Variants in UNKL observed in about 807,000 individuals in gnomAD.
UNKL encodes the protein putative E3 ubiquitin-protein ligase UNKL.
Under a neutral mutation model 78.0 loss-of-function variants are expected in UNKL, and 60 were observed. That is an observed-to-expected ratio of 0.77 (90% CI 0.63 to 0.95). UNKL has a LOEUF of 0.95. UNKL is among the 40% of genes least tolerant of loss of function. The pLI, the probability that UNKL is intolerant of heterozygous loss-of-function variation, is 0.00. For missense variants in UNKL, 1,159 were observed against 1,045.7 expected (o/e 1.11, Z -1.49); for synonymous variants, 608 against 474.8 (o/e 1.28, Z -3.65).
chr16:1,367,772 G>GGGGGCCGGCACTCAGGATGGGGGA lies in UNKL; in HGVS notation c.1648_1671dup (p.Ser550_Pro557dup). The GGGGGCCGGCACTCAGGATGGGGGA allele has an allele frequency of 6.4e-7, 1 of 1,573,412 alleles. No individual in the cohort carries two copies. The highest frequency in any genetic ancestry group is 8.6e-7 in the Non-Finnish European group (1 of 1,159,972). On this transcript the variant is annotated inframe_insertion, in exon 13 of 15. Coordinates refer to ENST00000389221, the MANE Select transcript of UNKL (RefSeq NM_001372107.1). Reference sequence around the variant, plus strand: ...TTTGGACTTGCACTCGAAGAGGATGGGGGGCCGGCACTCAGGATGGGGGAG... The same window carrying GGGGGCCGGCACTCAGGATGGGGGA: ...TTTGGACTTGCACTCGAAGAGGATGGGGGGCCGGCACTCAGGATGGGGGAGGGGCCGGCACTCAGGATGGGGGAG...
chr16:1,382,155 G>A (rs2036627904), intron 10 of UNKL, among the ~76,000 whole-genome samples: 1 of 152,222 alleles, frequency 6.6e-6, no homozygotes, highest in South Asian at 2.1e-4. Flanking sequence ...CTGCCTGAGA[G>A]AAAGCTTAAC....
intron 3 of UNKL, among the ~76,000 whole-genome samples, chr16:1,402,539 T>C (rs2037574063): frequency 6.6e-6 from 1 of 152,126 alleles, no homozygotes; most frequent in South Asian, 2.1e-4. Flanking sequence ...GGTGTGCGCC[T>C]GTAGTCCCAG....
At chr16:1,370,470 T>TTG in intron 11 of UNKL, 113 bp from the exon 12 acceptor site, 1 of 1,026,280 alleles carries the variant, frequency 9.7e-7, no homozygotes, top group Non-Finnish European at 1.3e-6. Context: ...GGTGGGGATA[T>TTG]GGGGGGTGGG....
In UNKL at chr16:1,397,190, C is replaced by T; in HGVS notation, c.840G>A (p.Gln280=). The T allele has an allele frequency of 1.3e-6, 2 of 1,547,558 alleles. No homozygotes were observed. Among genetic ancestry groups the T allele is most frequent in the Non-Finnish European group, 8.7e-7 (1 of 1,146,960 alleles). The part of the protein sequence containing the change: ...CQYCHSRTEQ[Q]FHPEIYKSTK... ...TGGAGGGACGTACCTCGGGATGGAA[C>T]TGCTGCTCCGTGCGGGAGTGGCAAT... The change falls in exon 6 of 15, where the codon CAG becomes CAA. Residue 280 remains glutamine, a synonymous_variant. Coordinates refer to ENST00000389221, the MANE Select transcript of UNKL (RefSeq NM_001372107.1).
At chr16:1,394,107 C>T (rs1278302360) in intron 7 of UNKL, 24 bp downstream of exon 7, 3 of 1,547,940 alleles carry the variant, frequency 1.9e-6, no homozygotes, top group East Asian at 2.5e-5. Context: ...CTAAGGTGAA[C>T]CTGCCACAGG....
At chr16:1,394,073 G>A in intron 7 of UNKL, 58 bp downstream of exon 7, 1 of 1,512,046 alleles carries the variant, frequency 6.6e-7, no homozygotes, top group South Asian at 1.2e-5. Context: ...ACTCCAGTGA[G>A]GGCCTGCAGA....
Position 1,367,149 on chromosome 16 carries a change from CAG to C in UNKL, c.1987_1988del (p.Leu663AlafsTer51). The C allele has an allele frequency of 6.2e-7, 1 of 1,601,656 alleles. No homozygotes were observed. Among genetic ancestry groups the C allele is most frequent in the Non-Finnish European group, 8.5e-7 (1 of 1,176,456 alleles). ...GACTCTGCAGCGAGTGCAGCTTCGG[CAG>C]GGGAATGGTGCCGATGTCCCCACAG... ...RGCGDIGTIP[L>X]PKLHSLQSQL... is the part of the protein sequence containing the mutation. On this transcript the variant is annotated frameshift_variant, in exon 14 of 15. Coordinates refer to ENST00000389221, the MANE Select transcript of UNKL (RefSeq NM_001372107.1). LOFTEE classifies it high-confidence loss of function.
intron 10 of UNKL, among the ~76,000 whole-genome samples, chr16:1,372,039 A>G (rs1003839108): frequency 3.3e-5 from 5 of 152,004 alleles, no homozygotes; most frequent in Non-Finnish European, 7.4e-5. Flanking sequence ...GGCAGATCAC[A>G]AGGTCAGGAG....
Position 1,366,030 on chromosome 16 carries a change from G to A in UNKL, c.*210C>T, listed in dbSNP as rs1020245723. On this transcript the variant is annotated 3_prime_UTR_variant, in exon 15 of 15. Transcript: ENST00000389221. ...TTGAGGAAAATACCTTGAAACCGTC[G>A]GTAGGACTAGATAGGTGACAACGTG... is the stretch of plus-strand genomic sequence containing the variant. 2.0e-5 allele frequency: 10 copies of A among 495,950 alleles called. No homozygotes were observed. The highest frequency in any genetic ancestry group is 5.9e-5 in the African/African-American group (3 of 51,022). 30.7% of individuals were successfully genotyped at this position (495,950 alleles called of 1,614,324 possible). A position where few individuals can be genotyped will look rare whatever the true frequency, so the allele number is the denominator to read the frequency against.
intron 13 of UNKL, 124 bp downstream of exon 13, chr16:1,367,532 C>G (rs540012375): frequency 4.2e-6 from 4 of 955,100 alleles, no homozygotes; most frequent in Non-Finnish European, 5.9e-6. Context: ...TCTCACCCCC[C>G]ACACGCTCAC....
At chr16:1,366,978 C>G (rs1051193638) in intron 14 of UNKL, 114 bp downstream of exon 14, 2 of 1,428,826 alleles carry the variant, frequency 1.4e-6, no homozygotes, top group African/African-American at 2.9e-5. Context: ...AGGCCCGGAG[C>G]AGACCCTGGG....
Position 1,398,694 on chromosome 16 carries a change from C to T in UNKL, c.734+680G>A. 9 of 1,227,606 alleles carry T rather than the reference C, an allele frequency of 7.3e-6. 1 individual carries two copies. Among genetic ancestry groups the T allele is most frequent in the Middle Eastern group, 3.5e-4 (1 of 2,878 alleles). The allele number at this position is 1,227,606 out of a possible 1,614,324, so 76.0% of individuals were successfully genotyped here. ...TGTGGGGTCTGCACCCCCCCACCCC[C>T]CTCTCAGGTGCAAACTGCAGACAGG... is the stretch of plus-strand genomic sequence containing the variant. On this transcript the variant is annotated intron_variant, in intron 5 of 14. Transcript: ENST00000389221.
intron 10 of UNKL, among the ~76,000 whole-genome samples, chr16:1,374,426 C>T (rs1596670202): frequency 1.3e-5 from 2 of 152,276 alleles, no homozygotes; most frequent in South Asian, 4.1e-4. Context: ...GGGCCCTAGA[C>T]CCCCTTCCTC....
intron 12 of UNKL, among the ~76,000 whole-genome samples, chr16:1,368,379 G>C (rs921250892): frequency 1.3e-5 from 2 of 152,022 alleles, no homozygotes; most frequent in African/African-American, 4.8e-5. Context: ...GAGGCGGGTG[G>C]ATCATGAGGT....
In UNKL at chr16:1,376,674, C is replaced by T. The variant is rs1367654276; in HGVS notation, c.1265-5063G>A. 2.0e-5 allele frequency among the ~76,000 whole-genome samples: 3 copies of T among 147,862 alleles called. No homozygotes were observed. The Admixed American group carries it at 2.1e-4, about 10-fold the overall frequency. Reference sequence around the variant, plus strand: ...GTTATGAGGACCCTGCAGTAGCACCCTGCGATCTGTAGCAGGGGGATACAT... The same window carrying T: ...GTTATGAGGACCCTGCAGTAGCACCTTGCGATCTGTAGCAGGGGGATACAT... On this transcript the variant is annotated intron_variant, in intron 10 of 14. Transcript: ENST00000389221.
intron 8 of UNKL, among the ~76,000 whole-genome samples, chr16:1,391,514 G>C (rs1051216599): frequency 4.6e-5 from 7 of 152,106 alleles, no homozygotes; most frequent in African/African-American, 1.7e-4. Context: ...GCCTAGGCGG[G>C]TCTCGAACTC....
chr16:1,370,405 C>G (rs1332659421), intron 11 of UNKL, 48 bp from the exon 12 acceptor site: 1 of 1,522,610 alleles, frequency 6.6e-7, no homozygotes, highest in South Asian at 1.2e-5. Context: ...CAGGCCTCTG[C>G]CCAAACATCT....
At chr16:1,394,579 T>C (rs1378523975) in intron 6 of UNKL, 7 of 460,254 alleles carry the variant, frequency 1.5e-5, no homozygotes, top group South Asian at 3.2e-5. Flanking sequence ...GTCTGTTCCC[T>C]GATCAGACCC....
intron 13 of UNKL, 65 bp downstream of exon 13, chr16:1,367,591 A>G: frequency 6.3e-6 from 2 of 317,840 alleles, no homozygotes; most frequent in Non-Finnish European, 5.5e-6. Flanking sequence ...TCACCCCCAC[A>G]CGCTCACCTG....
Sources: gnomAD v4.1 joint callset for allele counts (sites outside exome capture counted in the v4.1 genomes callset) on GRCh38, gnomAD v4.1.1 for gene constraint, MANE v1.5 for transcripts, NCBI Gene and HGNC (gene_info 2026-07-23, HGNC 2026-07-21) for gene names.